The following SP1 variants were observed in gnomAD, a reference collection of about 807,000 sequenced individuals.
SP1 encodes Sp1 transcription factor.
SP1 carries 6 observed loss-of-function variants against 66.3 expected under a neutral mutation model. That is an observed-to-expected ratio of 0.09 (90% CI 0.05 to 0.18). The LOEUF (loss-of-function observed/expected upper bound fraction) is 0.18. Ranked by LOEUF, SP1 falls within the 10% of genes least tolerant of loss-of-function variation. The pLI, the probability that SP1 is intolerant of heterozygous loss-of-function variation, is 1.00. For missense variants in SP1, 848 were observed against 964.5 expected, an observed-to-expected ratio of 0.88 and a Z score of 1.60; for synonymous variants, 417 against 360.8, an observed-to-expected ratio of 1.16 and a Z score of -1.77.
chr12:53,411,376 G>A lies in SP1; in HGVS notation c.*136G>A. 1.4e-6 allele frequency: 1 copy of A among 692,720 alleles called. No individual in the cohort carries two copies. The highest frequency in any genetic ancestry group is 2.3e-6 in the Non-Finnish European group (1 of 425,720). 42.9% of individuals were successfully genotyped at this position (692,720 alleles called of 1,614,324 possible). Reference sequence around the variant, plus strand: ...ATGGTGTTGAGAAGAATCAGGAGAGGGATACAAGAGAGGAGATGGGGTCCC... The same window carrying A: ...ATGGTGTTGAGAAGAATCAGGAGAGAGATACAAGAGAGGAGATGGGGTCCC... On this transcript the variant is annotated 3_prime_UTR_variant, in exon 6 of 6. Transcript: ENST00000327443.
rs528963686 is a variant in SP1, at chr12:53,413,449, G to C, written c.*2209G>C. ...AAATTAAGTTTTGGGTAAGTGTGTT[G>C]TTTAATCTGAACTATAGTAACTTAA... On this transcript the variant is annotated 3_prime_UTR_variant, in exon 6 of 6. Coordinates refer to ENST00000327443, the MANE Select transcript of SP1 (RefSeq NM_138473.3). The C allele has an allele frequency of 1.3e-5, 2 of 152,602 alleles. No homozygotes were observed. Among genetic ancestry groups the C allele is most frequent in the Admixed American group, 6.5e-5 (1 of 15,284 alleles). The allele number at this position is 152,602 out of a possible 1,614,324, so 9.5% of individuals were successfully genotyped here. A position where few individuals can be genotyped will look rare whatever the true frequency, so the allele number is the denominator to read the frequency against.
rs1938943588 is a variant in SP1, at chr12:53,413,820, G to A, written c.*2580G>A. ...TAATGTAATGATGCTGAGGATATAA[G>A]CTTTTAGAAGGTAATTTGATGGTAT... On this transcript the variant is annotated 3_prime_UTR_variant, in exon 6 of 6. Coordinates refer to ENST00000327443, the MANE Select transcript of SP1 (RefSeq NM_138473.3). The A allele has an allele frequency of 6.6e-6, 1 of 152,236 alleles. No individual in the cohort carries two copies. Among genetic ancestry groups the A allele is most frequent in the African/African-American group, 2.4e-5 (1 of 41,448 alleles). 9.4% of individuals were successfully genotyped at this position (152,236 alleles called of 1,614,324 possible).
intron 5 of SP1, among the ~76,000 whole-genome samples, chr12:53,410,336 A>G (rs1233527491): frequency 6.6e-6 from 1 of 151,992 alleles, no homozygotes; most frequent in African/African-American, 2.4e-5. Flanking sequence ...ATAAGGAGCT[A>G]GATTTTGAGT....
At chr12:53,382,066 G>A (rs1938112952) in intron 2 of SP1, 44 bp from the exon 3 acceptor site, 1 of 1,579,862 alleles carries the variant, frequency 6.3e-7, no homozygotes, top group Non-Finnish European at 8.7e-7. Flanking sequence ...TAGGCTGGCA[G>A]CTGGGTGTCA....
chr12:53,380,253 C>CCCCCCCCCGGGCCCCCGGGGGGGGG lies in SP1; in HGVS notation c.-39_-38insCCCCCCCCGGGCCCCCGGGGGGGGG. ...TTTTCCCGGCCCCCCCCAACCCCCC[C>CCCCCCCCCGGGCCCCCGGGGGGGGG]GGACAGGACCCCCTTGAGCTTGTCC... On this transcript the variant is annotated 5_prime_UTR_variant, in exon 1 of 6. Coordinates refer to ENST00000327443, the MANE Select transcript of SP1 (RefSeq NM_138473.3). 1 of 1,522,880 alleles carries CCCCCCCCCGGGCCCCCGGGGGGGGG rather than the reference C, an allele frequency of 6.6e-7. No individual in the cohort carries two copies. Among genetic ancestry groups the CCCCCCCCCGGGCCCCCGGGGGGGGG allele is most frequent in the Non-Finnish European group, 9.1e-7 (1 of 1,099,984 alleles). The allele number at this position is 1,522,880 out of a possible 1,614,324, so 94.3% of individuals were successfully genotyped here.
At chr12:53,400,113 A>C (rs933538905) in intron 3 of SP1, among the ~76,000 whole-genome samples, 1 of 152,200 alleles carries the variant, frequency 6.6e-6, no homozygotes, top group Non-Finnish European at 1.5e-5. Context: ...CTACAACCCA[A>C]GAACATTTTG....
At chr12:53,399,811 A>G (rs1039653899) in intron 3 of SP1, among the ~76,000 whole-genome samples, 1 of 150,298 alleles carries the variant, frequency 6.7e-6, no homozygotes, top group Non-Finnish European at 1.5e-5. Context: ...TTGTATTTTT[A>G]GTAGAGACGG....
At chr12:53,389,058 ACTT>A (rs907724100) in intron 3 of SP1, among the ~76,000 whole-genome samples, 1 of 151,828 alleles carries the variant, frequency 6.6e-6, no homozygotes, top group African/African-American at 2.4e-5. Flanking sequence ...AGTATGTTCA[ACTT>A]CTTGGTACGA....
intron 3 of SP1, among the ~76,000 whole-genome samples, chr12:53,387,710 G>A (rs950942473): frequency 6.6e-6 from 1 of 152,192 alleles, no homozygotes; most frequent in African/African-American, 2.4e-5. Flanking sequence ...ATTCGAGCCA[G>A]CCTGGTGGCT....
At chr12:53,391,346 C>CTTTTTTTTTTTTTTTTTTTTTTTT (rs71068117) in intron 3 of SP1, among the ~76,000 whole-genome samples, 1 of 97,460 alleles carries the variant, frequency 1.0e-5, no homozygotes, top group Non-Finnish European at 2.0e-5. Context: ...TAAGTAATGT[C>CTTTTTTTTTTTTTTTTTTTTTTTT]TTTTTTTTTT....
intron 3 of SP1, among the ~76,000 whole-genome samples, chr12:53,395,398 GT>G (rs1938464407): frequency 6.6e-6 from 1 of 152,040 alleles, no homozygotes; most frequent in Non-Finnish European, 1.5e-5. Context: ...AAAAAAGAGT[GT>G]CTGGTGTTAT....
chr12:53,396,395 C>T (rs1000464569), intron 3 of SP1, among the ~76,000 whole-genome samples: 1 of 151,860 alleles, frequency 6.6e-6, no homozygotes, highest in Non-Finnish European at 1.5e-5. Flanking sequence ...TGGTAAAACC[C>T]CGTCTCTACT....
In SP1 at chr12:53,412,484, C is replaced by A. The variant is rs1311966194; in HGVS notation, c.*1244C>A. ...TTCTTTTGAACATCCCCACTAGGTT[C>A]TTTTCCATTGTCAATAAGGAGCATC... On this transcript the variant is annotated 3_prime_UTR_variant, in exon 6 of 6. Transcript: ENST00000327443. The A allele has an allele frequency of 1.3e-5, 2 of 152,600 alleles. No homozygotes were observed. The highest frequency in any genetic ancestry group is 1.9e-4 in the East Asian group (1 of 5,202). The allele number at this position is 152,600 out of a possible 1,614,324, so 9.5% of individuals were successfully genotyped here.
Sources: gnomAD v4.1 joint callset for allele counts (sites outside exome capture counted in the v4.1 genomes callset) on GRCh38, gnomAD v4.1.1 for gene constraint, MANE v1.5 for transcripts, NCBI Gene and HGNC (gene_info 2026-07-23, HGNC 2026-07-21) for gene names.